Variants in HNF1B observed in about 807,000 individuals in gnomAD.
HNF1B encodes the protein hepatocyte nuclear factor 1-beta.
A neutral mutation model predicts 61.7 loss-of-function variants in HNF1B; 8 were observed. That is an observed-to-expected ratio of 0.13 (90% CI 0.08 to 0.23). The LOEUF (loss-of-function observed/expected upper bound fraction) is 0.23, where lower values mean the gene tolerates loss of function less well. Among genes scored for constraint, HNF1B ranks in the 10% least tolerant of loss-of-function variants. HNF1B has a pLI of 1.00. For missense variants in HNF1B, 562 were observed against 714.5 expected, an observed-to-expected ratio of 0.79 and a Z score of 2.43; for synonymous variants, 314 against 287.7, an observed-to-expected ratio of 1.09 and a Z score of -0.93.
At chr17:37,723,163 C>T (rs540529045) in intron 4 of HNF1B, among the ~76,000 whole-genome samples, 1 of 150,870 alleles carries the variant, frequency 6.6e-6, no homozygotes, top group African/African-American at 2.5e-5. Context: ...CACGGTGAAA[C>T]CCCGTCTCTA....
chr17:37,690,086 G>C (rs2032144895), intron 8 of HNF1B, among the ~76,000 whole-genome samples: 1 of 152,114 alleles, frequency 6.6e-6, no homozygotes, highest in Non-Finnish European at 1.5e-5. Flanking sequence ...AATAAGCATA[G>C]AGGTTAGGGC....
At chr17:37,708,781 T>G (rs763401706) in intron 5 of HNF1B, among the ~76,000 whole-genome samples, 3 of 152,044 alleles carry the variant, frequency 2.0e-5, no homozygotes, top group Non-Finnish European at 2.9e-5. Flanking sequence ...GCAAAATGCC[T>G]CCCCCAGGAA....
At chr17:37,696,252 C>T (rs1343047957) in intron 8 of HNF1B, among the ~76,000 whole-genome samples, 1 of 151,920 alleles carries the variant, frequency 6.6e-6, no homozygotes, top group Non-Finnish European at 1.5e-5. Flanking sequence ...TGAGACCAGC[C>T]TGGGCAACAT....
intron 3 of HNF1B, 95 bp downstream of exon 3, chr17:37,733,462 T>G (rs1314713963): frequency 2.9e-6 from 4 of 1,383,274 alleles, no homozygotes; most frequent in Non-Finnish European, 4.1e-6. Context: ...CACACTTATC[T>G]GTATAACTAG....
intron 8 of HNF1B, among the ~76,000 whole-genome samples, chr17:37,692,882 C>T (rs1280180014): frequency 2.0e-5 from 3 of 152,200 alleles, no homozygotes; most frequent in South Asian, 2.1e-4. Flanking sequence ...AGACCAAGCA[C>T]TGAATTGGAT....
At chr17:37,701,313 A>G in intron 6 of HNF1B, 136 bp from the exon 7 acceptor site, 1 of 818,326 alleles carries the variant, frequency 1.2e-6, no homozygotes, top group Non-Finnish European at 2.0e-6. Context: ...ATGGGAGGCA[A>G]GTGTAAAGAA....
intron 2 of HNF1B, among the ~76,000 whole-genome samples, chr17:37,736,604 G>A (rs891590359): frequency 1.3e-5 from 2 of 152,064 alleles, no homozygotes; most frequent in African/African-American, 2.4e-5. Context: ...CCCAAGCCAC[G>A]TACCCCGCAA....
intron 1 of HNF1B, among the ~76,000 whole-genome samples, chr17:37,740,250 T>C (rs1255477868): frequency 1.3e-5 from 2 of 152,192 alleles, no homozygotes; most frequent in Non-Finnish European, 2.9e-5. Context: ...ATTACAGACG[T>C]GAGCCACCGC....
chr17:37,727,811 C>T (rs1434350988), intron 4 of HNF1B, among the ~76,000 whole-genome samples: 1 of 152,042 alleles, frequency 6.6e-6, no homozygotes, highest in Non-Finnish European at 1.5e-5. Flanking sequence ...GAAGAGGGTT[C>T]TGGGGAAGCT....
In HNF1B at chr17:37,744,840, G is replaced by A; in HGVS notation, c.45C>T (p.Ala15=). Residue 15 remains alanine (A), a synonymous_variant, in exon 1 of 9, where the codon GCC becomes GCT. Transcript: ENST00000617811. ...LTSLQQELLS[A]LLSSGVTKEV... is the part of the protein sequence containing the mutation. ...CCTTGGTGACCCCGGAGCTCAGCAG[G>A]GCGCTCAGGAGTTCTTGCTGGAGCG... The A allele has an allele frequency of 1.2e-6, 2 of 1,613,302 alleles. No individual in the cohort carries two copies. The highest frequency in any genetic ancestry group is 1.3e-5 in the African/African-American group (1 of 75,022).
At chr17:37,687,938 G>A (rs2032036643) in intron 8 of HNF1B, among the ~76,000 whole-genome samples, 1 of 152,208 alleles carries the variant, frequency 6.6e-6, no homozygotes, top group Non-Finnish European at 1.5e-5. Context: ...TTCCCAGGGT[G>A]TGCCAGTGCT....
At chr17:37,693,698 G>A (rs1013178277) in intron 8 of HNF1B, among the ~76,000 whole-genome samples, 2 of 152,194 alleles carry the variant, frequency 1.3e-5, no homozygotes, top group Non-Finnish European at 2.9e-5. Flanking sequence ...TAGTGATATG[G>A]TTTAGATGTG....
At chr17:37,704,285 G>A (rs140614315) in intron 6 of HNF1B, among the ~76,000 whole-genome samples, 66 of 152,302 alleles carry the variant, frequency 4.3e-4, no homozygotes, top group African/African-American at 1.2e-3. Context: ...ATCCATCTCC[G>A]TGTCTTCAGG....
intron 2 of HNF1B, among the ~76,000 whole-genome samples, chr17:37,737,861 A>ATAAG (rs1435979592): frequency 3.3e-5 from 5 of 152,120 alleles, no homozygotes; most frequent in Non-Finnish European, 7.4e-5. Context: ...AAATAAATAA[A>ATAAG]TAAAACAAAA....
intron 4 of HNF1B, among the ~76,000 whole-genome samples, chr17:37,724,903 CGTGTGT>C (rs34210303): frequency 0.16 from 23,335 of 145,192 alleles, 1,910 homozygotes; most frequent in Middle Eastern, 0.24. Context: ...TATATGTATG[CGTGTGT>C]GTGTGTGTGT....
At chr17:37,708,147 G>C (rs2032813354) in intron 5 of HNF1B, among the ~76,000 whole-genome samples, 1 of 152,172 alleles carries the variant, frequency 6.6e-6, no homozygotes, top group African/African-American at 2.4e-5. Flanking sequence ...GCACATACTG[G>C]TTCCCTTCCC....
chr17:37,736,987 T>C (rs960599536), intron 2 of HNF1B, among the ~76,000 whole-genome samples: 2 of 152,216 alleles, frequency 1.3e-5, no homozygotes, highest in Admixed American at 6.5e-5. Context: ...ATGAAAATTA[T>C]CTTGGAGAAG....
intron 4 of HNF1B, among the ~76,000 whole-genome samples, chr17:37,727,277 T>C (rs536789597): frequency 6.6e-6 from 1 of 152,216 alleles, no homozygotes; most frequent in East Asian, 1.9e-4. Flanking sequence ...TGGGCTGTCA[T>C]GGAGCCTATA....
At chr17:37,739,391 G>GGGCAAAGGTCACTTCAGGTTGAGGC in intron 2 of HNF1B, 49 bp downstream of exon 2, 1 of 1,566,268 alleles carries the variant, frequency 6.4e-7, no homozygotes, top group Non-Finnish European at 8.8e-7. Context: ...TGGGGTGAGA[G>GGGCAAAGGTCACTTCAGGTTGAGGC]GGCAAAGGTC....
Sources: allele counts gnomAD v4.1 joint callset (sites outside exome capture counted in the v4.1 genomes callset), GRCh38; gene constraint gnomAD v4.1.1; transcripts MANE v1.5; gene names NCBI Gene and HGNC (gene_info 2026-07-23, HGNC 2026-07-21).